Variants in CAPZB observed in about 807,000 individuals in gnomAD.
CAPZB encodes capping actin protein of muscle Z-line subunit beta, also known as F-actin-capping protein subunit beta.
CAPZB carries 2 observed loss-of-function variants against 38.1 expected under a neutral mutation model. That is an observed-to-expected ratio of 0.05 (90% CI 0.02 to 0.17). CAPZB has a LOEUF of 0.17. CAPZB is among the 10% of genes least tolerant of loss of function. The pLI, the probability that CAPZB is intolerant of heterozygous loss-of-function variation, is 1.00. For missense variants in CAPZB, 161 were observed against 334.2 expected, an observed-to-expected ratio of 0.48 and a Z score of 4.04; for synonymous variants, 107 against 127.4, an observed-to-expected ratio of 0.84 and a Z score of 1.08.
intron 1 of CAPZB, among the ~76,000 whole-genome samples, chr1:19,444,474 C>T (rs10917452): frequency 0.44 from 66,444 of 152,030 alleles, 14,986 homozygotes; most frequent in African/African-American, 0.54. Flanking sequence ...AAACTAATGA[C>T]GAACACAAAG....
At chr1:19,358,838 C>A (rs2094036080) in intron 4 of CAPZB, among the ~76,000 whole-genome samples, 1 of 152,202 alleles carries the variant, frequency 6.6e-6, no homozygotes, top group Non-Finnish European at 1.5e-5. Flanking sequence ...GAGCACCCTG[C>A]CCTCAGCCCT....
intron 1 of CAPZB, among the ~76,000 whole-genome samples, chr1:19,421,756 CT>C: frequency 1.3e-5 from 2 of 152,260 alleles, no homozygotes; most frequent in Middle Eastern, 6.8e-3. Context: ...TTCTTAATCT[CT>C]AGAAGTCTCT....
rs143362337 is a variant in CAPZB, at chr1:19,381,553, C to G, written c.216-2900G>C. Among the ~76,000 whole-genome samples, 128 of 152,312 alleles carry G rather than the reference C, an allele frequency of 8.4e-4. 1 individual carries two copies. The East Asian group carries it at 0.02, about 24-fold the overall frequency. On this transcript the variant is annotated intron_variant, in intron 3 of 8. Transcript: ENST00000264202. ...GGAGCAGCTTTCTGGCTTTTTCATG[C>G]TGGTCACGGGCATGGCGCCCAGGTG...
At chr1:19,423,764 T>C (rs1173358498) in intron 1 of CAPZB, among the ~76,000 whole-genome samples, 1 of 152,060 alleles carries the variant, frequency 6.6e-6, no homozygotes, top group East Asian at 1.9e-4. Flanking sequence ...GTCGGCTCAC[T>C]GTAGCCTCCA....
intron 8 of CAPZB, among the ~76,000 whole-genome samples, chr1:19,343,039 C>T (rs901963174): frequency 8.5e-5 from 13 of 152,126 alleles, no homozygotes; most frequent in Non-Finnish European, 1.2e-4. Context: ...TCCACGCTGG[C>T]GGTGGTCGTG....
chr1:19,375,894 G>T (rs2094142133), intron 4 of CAPZB, among the ~76,000 whole-genome samples: 1 of 152,174 alleles, frequency 6.6e-6, no homozygotes, highest in Non-Finnish European at 1.5e-5. Flanking sequence ...TGATTATTCT[G>T]AAGAGTTTTA....
At chr1:19,416,957 C>A (rs925380515) in intron 2 of CAPZB, among the ~76,000 whole-genome samples, 1 of 151,160 alleles carries the variant, frequency 6.6e-6, no homozygotes, top group African/African-American at 2.4e-5. Flanking sequence ...TACGGCCTGG[C>A]ACTTCAACCT....
At chr1:19,379,236 T>C (rs900412607) in intron 3 of CAPZB, among the ~76,000 whole-genome samples, 2 of 152,054 alleles carry the variant, frequency 1.3e-5, no homozygotes, top group African/African-American at 2.4e-5. Context: ...GTAGCTGGAA[T>C]TGCAGGTGCA....
chr1:19,388,394 G>A (rs2094214772), intron 2 of CAPZB, among the ~76,000 whole-genome samples: 1 of 152,206 alleles, frequency 6.6e-6, no homozygotes, highest in African/African-American at 2.4e-5. Context: ...AGGAAAGAAA[G>A]GAGGGAAAGA....
chr1:19,345,128 G>GGCTGCAGTGTCACTGCTGTGGGTC, intron 7 of CAPZB, 59 bp downstream of exon 7: 1 of 1,285,144 alleles, frequency 7.8e-7, no homozygotes, highest in Non-Finnish European at 1.1e-6. Flanking sequence ...GCGGCTCCGG[G>GGCTGCAGTGTCACTGCTGTGGGTC]GCTGCAGTGT....
At chr1:19,390,791 A>C (rs1006322519) in intron 2 of CAPZB, among the ~76,000 whole-genome samples, 4 of 152,180 alleles carry the variant, frequency 2.6e-5, no homozygotes, top group Admixed American at 1.3e-4. Context: ...CTCAGGTGAC[A>C]CCTGAATAAT....
At chr1:19,386,325 C>T (rs2094203927) in intron 2 of CAPZB, among the ~76,000 whole-genome samples, 1 of 152,224 alleles carries the variant, frequency 6.6e-6, no homozygotes, top group Non-Finnish European at 1.5e-5. Context: ...AACCAGGCCA[C>T]TGGCCTCCTC....
At chr1:19,469,732 G>A (rs1027506939) in intron 1 of CAPZB, among the ~76,000 whole-genome samples, 1 of 126,248 alleles carries the variant, frequency 7.9e-6, no homozygotes, top group Non-Finnish European at 1.7e-5. Context: ...CTCAAAAGGA[G>A]GAAAAGAATA....
chr1:19,420,071 G>T, intron 1 of CAPZB: 1 of 286,538 alleles, frequency 3.5e-6, no homozygotes, highest in Non-Finnish European at 6.6e-6. Flanking sequence ...TGCAGATGTC[G>T]TGCCCCCCAG....
At chr1:19,465,681 T>C (rs992185773) in intron 1 of CAPZB, among the ~76,000 whole-genome samples, 15 of 151,998 alleles carry the variant, frequency 9.9e-5, no homozygotes, top group Non-Finnish European at 2.1e-4. Context: ...GTGGGGAGAA[T>C]GAAAACCTCT....
chr1:19,394,734 AAAC>A (rs1436673557), intron 2 of CAPZB, among the ~76,000 whole-genome samples: 4 of 152,090 alleles, frequency 2.6e-5, no homozygotes, highest in African/African-American at 9.7e-5. Flanking sequence ...AAACAAAACA[AAAC>A]AAACAAACAA....
At chr1:19,459,023 T>C (rs1197513079) in intron 1 of CAPZB, among the ~76,000 whole-genome samples, 2 of 152,232 alleles carry the variant, frequency 1.3e-5, no homozygotes, top group Non-Finnish European at 2.9e-5. Context: ...CAGGAGACCG[T>C]TGGCAGGAAG....
chr1:19,449,290 G>A (rs1334554993), intron 1 of CAPZB: 2 of 1,050,760 alleles, frequency 1.9e-6, no homozygotes, highest in Admixed American at 9.1e-5. Context: ...AAGAGGAAAT[G>A]CACTGGCCTG....
At chr1:19,454,832 A>C (rs1183281114) in intron 1 of CAPZB, among the ~76,000 whole-genome samples, 1 of 152,258 alleles carries the variant, frequency 6.6e-6, no homozygotes, top group Non-Finnish European at 1.5e-5. Context: ...CACATCAGAA[A>C]ATTACTGTTC....
Sources: gnomAD v4.1 joint callset for allele counts (sites outside exome capture counted in the v4.1 genomes callset) on GRCh38, gnomAD v4.1.1 for gene constraint, MANE v1.5 for transcripts, NCBI Gene and HGNC (gene_info 2026-07-23, HGNC 2026-07-21) for gene names.